Variants in ABCG8 observed in about 807,000 individuals in gnomAD.
ABCG8 encodes the protein ATP binding cassette subfamily G member 8, also known as ATP-binding cassette sub-family G member 8.
Under a neutral mutation model 71.3 loss-of-function variants are expected in ABCG8, and 81 were observed. The ratio of observed to expected loss-of-function variants is 1.14; its 90% CI spans 0.95 to 1.37. ABCG8 has a LOEUF of 1.37. ABCG8 is among the 40% of genes most tolerant of loss of function. The pLI is 0.00. For missense variants in ABCG8, 1,119 were observed against 866.2 expected (o/e 1.29, Z -3.66); for synonymous variants, 451 against 354.7 (o/e 1.27, Z -3.05).
In ABCG8 at chr2:43,851,630, C is replaced by A. The variant is rs139859350; in HGVS notation, c.369C>A (p.His123Gln). The change falls in exon 4 of 13, where the codon CAC (histidine) becomes CAA (glutamine). Residue 123 changes from histidine to glutamine, a missense_variant. Coordinates refer to ENST00000272286, the MANE Select transcript of ABCG8 (RefSeq NM_022437.3). ...TAGATGTGATCACTGGCCGAGGTCA[C>A]GGCGGCAAGATCAAGTCAGGCCAGA... ...SLLDVITGRG[H>Q]GGKIKSGQIW... The A allele has an allele frequency of 1.2e-6, 2 of 1,614,228 alleles. No individual in the cohort carries two copies. The highest frequency in any genetic ancestry group is 2.2e-5 in the East Asian group (1 of 44,880).
chr2:43,879,435 C>T lies in ABCG8; in HGVS notation c.*1522C>T, dbSNP rs1420863954. ...CTGATTGGATAGGTCCCATGAGCCTCAGGCCCCACCCAGGCTCAATGAGTC... is the reference window on the plus strand; with the variant it reads ...CTGATTGGATAGGTCCCATGAGCCTTAGGCCCCACCCAGGCTCAATGAGTC... On this transcript the variant is annotated 3_prime_UTR_variant, in exon 13 of 13. Coordinates refer to ENST00000272286, the MANE Select transcript of ABCG8 (RefSeq NM_022437.3). 1 of 152,254 alleles carries T rather than the reference C, an allele frequency of 6.6e-6. No individual in the cohort carries two copies. The highest frequency in any genetic ancestry group is 1.5e-5 in the Non-Finnish European group (1 of 68,080). 9.4% of individuals were successfully genotyped at this position (152,254 alleles called of 1,614,324 possible). A position where few individuals can be genotyped will look rare whatever the true frequency, so the allele number is the denominator to read the frequency against.
intron 6 of ABCG8, among the ~76,000 whole-genome samples, chr2:43,868,056 T>C (rs1669597071): frequency 6.6e-6 from 1 of 152,100 alleles, no homozygotes. Flanking sequence ...GATAGAGCTC[T>C]CACTATCTAT....
intron 1 of ABCG8, 79 bp downstream of exon 1, chr2:43,839,195 C>T: frequency 5.5e-6 from 8 of 1,453,584 alleles, no homozygotes; most frequent in Non-Finnish European, 7.5e-6. Context: ...CCCTCAGGAG[C>T]CTTCTGTCCT....
At chr2:43,860,649 A>G (rs1350824722) in intron 6 of ABCG8, among the ~76,000 whole-genome samples, 1 of 148,710 alleles carries the variant, frequency 6.7e-6, no homozygotes, top group African/African-American at 2.5e-5. Context: ...AACTCTCGCT[A>G]TCTGGATAGA....
rs1248866137 is a variant in ABCG8, at chr2:43,882,348, C to A, written c.*4435C>A. ...AATCCAAGTGTTAACAGACCTGGGACCAGGGGTTCCTCATAGTGGCTTAGC... is the reference window on the plus strand; with the variant it reads ...AATCCAAGTGTTAACAGACCTGGGAACAGGGGTTCCTCATAGTGGCTTAGC... On this transcript the variant is annotated 3_prime_UTR_variant, in exon 13 of 13. Transcript: ENST00000272286. The A allele has an allele frequency of 6.6e-6, 1 of 152,176 alleles. No homozygotes were observed. Among genetic ancestry groups the A allele is most frequent in the East Asian group, 1.9e-4 (1 of 5,204 alleles). The allele number at this position is 152,176 out of a possible 1,614,324, so 9.4% of individuals were successfully genotyped here.
intron 6 of ABCG8, among the ~76,000 whole-genome samples, chr2:43,869,269 C>T (rs1669664294): frequency 1.3e-5 from 2 of 151,166 alleles, no homozygotes; most frequent in Non-Finnish European, 3.0e-5. Flanking sequence ...GTGGGTGGAA[C>T]TCTCACTATC....
At position 43,851,605 on chromosome 2, in the gene ABCG8, T is replaced by C; in HGVS notation, c.344T>C (p.Leu115Pro). The change falls in exon 4 of 13, where the codon CTA becomes CCA. Residue 115 changes from leucine (L) to proline (P), a missense_variant. Leu to Pro is a moderately conservative substitution (Grantham distance 98). Coordinates refer to ENST00000272286, the MANE Select transcript of ABCG8 (RefSeq NM_022437.3). ...GCAGGTTGTGGGAGAGCCTCCTTGC[T>C]AGATGTGATCACTGGCCGAGGTCAC... Reference protein sequence around the residue: ...GSSGCGRASLLDVITGRGHGG... With the variant: ...GSSGCGRASLPDVITGRGHGG... 7 of 1,614,240 alleles carry C rather than the reference T, an allele frequency of 4.3e-6. No homozygotes were observed. The highest frequency in any genetic ancestry group is 5.9e-6 in the Non-Finnish European group (7 of 1,180,034).
chr2:43,839,658 G>A (rs1294838605), intron 1 of ABCG8, among the ~76,000 whole-genome samples: 1 of 151,876 alleles, frequency 6.6e-6, no homozygotes, highest in African/African-American at 2.4e-5. Context: ...CTGACCTCAG[G>A]TTACCCACCC....
chr2:43,855,134 A>G (rs922909003), intron 6 of ABCG8, among the ~76,000 whole-genome samples: 1 of 152,214 alleles, frequency 6.6e-6, no homozygotes, highest in Non-Finnish European at 1.5e-5. Flanking sequence ...CACAATCTGG[A>G]TAGAATTCTC....
In ABCG8 at chr2:43,844,571, A is replaced by G. The variant is rs1477765060; in HGVS notation, c.128A>G (p.Gln43Arg). 1 of 1,614,196 alleles carries G rather than the reference A, an allele frequency of 6.2e-7. No individual in the cohort carries two copies. The highest frequency in any genetic ancestry group is 2.2e-5 in the East Asian group (1 of 44,886). ...DNSLYFTYSG[Q>R]PNTLEVRDLN... ...AGCCTGTACTTCACCTACAGTGGCC[A>G]GCCCAACACCCTGGAGGTCAGAGAC... The change falls in exon 2 of 13, where the codon CAG (glutamine) becomes CGG (arginine). Residue 43 changes from glutamine (Q) to arginine (R), a missense_variant. Gln to Arg is a conservative substitution (Grantham distance 43). Coordinates refer to ENST00000272286, the MANE Select transcript of ABCG8 (RefSeq NM_022437.3).
intron 5 of ABCG8, 54 bp from the exon 6 acceptor site, chr2:43,852,545 C>T: frequency 1.4e-5 from 22 of 1,613,992 alleles, no homozygotes; most frequent in Non-Finnish European, 1.8e-5. Context: ...TCAGGCTTGG[C>T]TTGGTCTGGC....
chr2:43,849,266 A>G (rs912032923), intron 3 of ABCG8, among the ~76,000 whole-genome samples: 7 of 148,094 alleles, frequency 4.7e-5, no homozygotes, highest in Non-Finnish European at 8.9e-5. Context: ...ACTTATAAAG[A>G]AAAGAGGTTT....
intron 2 of ABCG8, among the ~76,000 whole-genome samples, chr2:43,845,574 C>T (rs931272192): frequency 2.0e-5 from 3 of 152,012 alleles, no homozygotes; most frequent in Non-Finnish European, 2.9e-5. Flanking sequence ...CATTTTGCTT[C>T]GTGTTTTATT....
At chr2:43,858,974 C>T (rs1669209517) in intron 6 of ABCG8, among the ~76,000 whole-genome samples, 1 of 151,150 alleles carries the variant, frequency 6.6e-6, no homozygotes, top group Admixed American at 6.6e-5. Context: ...ATAGAAGTCT[C>T]ACTCTCTGTC....
chr2:43,869,473 C>G (rs1024203486), intron 6 of ABCG8, among the ~76,000 whole-genome samples: 26 of 151,956 alleles, frequency 1.7e-4, no homozygotes, highest in African/African-American at 6.0e-4. Context: ...AATTCTCACT[C>G]TTTGGATGAA....
chr2:43,853,247 C>G (rs905135010), intron 6 of ABCG8, among the ~76,000 whole-genome samples: 2 of 152,294 alleles, frequency 1.3e-5, no homozygotes, highest in Non-Finnish European at 1.5e-5. Context: ...CTGGTGTTCC[C>G]ACAGTGGCAG....
chr2:43,853,520 A>G (rs764540645), intron 6 of ABCG8, among the ~76,000 whole-genome samples: 14 of 152,028 alleles, frequency 9.2e-5, no homozygotes, highest in Non-Finnish European at 1.5e-4. Flanking sequence ...ACCAGGTCCC[A>G]GGGAGACAGC....
At chr2:43,842,738 C>A (rs1293755748) in intron 1 of ABCG8, among the ~76,000 whole-genome samples, 3 of 151,978 alleles carry the variant, frequency 2.0e-5, no homozygotes. Flanking sequence ...CCCCGCTCCC[C>A]AGAGATAACC....
chr2:43,854,624 C>A lies in ABCG8; in HGVS notation c.964+1756C>A, dbSNP rs552118226. Among the ~76,000 whole-genome samples, 214 of 77,238 alleles carry A rather than the reference C, an allele frequency of 2.8e-3. 1 individual carries two copies. Among genetic ancestry groups the A allele is most frequent in the African/African-American group, 0.011 (205 of 18,424 alleles). The allele number at this position is 77,238 out of a possible 152,430, so 50.7% of individuals were successfully genotyped here. Reference sequence around the variant, plus strand: ...TCTGGGCGATAGAGTGAGACTCCATCTCAAAAAAAAAAAAAAAAAAAGGAT... The same window carrying A: ...TCTGGGCGATAGAGTGAGACTCCATATCAAAAAAAAAAAAAAAAAAAGGAT... On this transcript the variant is annotated intron_variant, in intron 6 of 12. Transcript: ENST00000272286.
Sources: gnomAD v4.1 joint callset for allele counts (sites outside exome capture counted in the v4.1 genomes callset) on GRCh38, gnomAD v4.1.1 for gene constraint, MANE v1.5 for transcripts, NCBI Gene and HGNC (gene_info 2026-07-23, HGNC 2026-07-21) for gene names.